Variants in IL33 observed in about 807,000 individuals in gnomAD.
IL33 encodes the protein interleukin-33.
In IL33, 37 loss-of-function variants were observed where a neutral mutation model predicts 27.3. The observed-to-expected ratio is 1.36, with a 90% confidence interval of 1.04 to 1.78. The LOEUF (loss-of-function observed/expected upper bound fraction) is 1.78. Among genes scored for constraint, IL33 ranks in the 40% most tolerant of loss-of-function variants. The pLI, the probability that IL33 is intolerant of heterozygous loss-of-function variation, is 0.00. For missense variants in IL33, 406 were observed against 311.4 expected, an observed-to-expected ratio of 1.30 and a Z score of -2.29; for synonymous variants, 132 against 102.9, an observed-to-expected ratio of 1.28 and a Z score of -1.71.
chr9:6,245,059 G>C (rs960758630), intron 2 of IL33, among the ~76,000 whole-genome samples: 8 of 152,104 alleles, frequency 5.3e-5, no homozygotes, highest in Non-Finnish European at 8.8e-5. Context: ...CTACTTCCCA[G>C]GGTCAGGCTT....
intron 2 of IL33, among the ~76,000 whole-genome samples, chr9:6,245,113 C>A (rs762329266): frequency 4.6e-5 from 7 of 152,148 alleles, no homozygotes; most frequent in Non-Finnish European, 8.8e-5. Context: ...TCAACACTTT[C>A]TCTTCCCTAA....
At chr9:6,231,508 G>A (rs181709239) in intron 1 of IL33, among the ~76,000 whole-genome samples, 51 of 152,202 alleles carry the variant, frequency 3.4e-4, no homozygotes, top group Middle Eastern at 3.4e-3. Context: ...CACCTTCTCT[G>A]ACTACACTAC....
chr9:6,226,366 G>A (rs1275804537), intron 1 of IL33, among the ~76,000 whole-genome samples: 1 of 151,944 alleles, frequency 6.6e-6, no homozygotes, highest in Middle Eastern at 3.2e-3. Context: ...TGGATCTAAG[G>A]ATTAGGATCT....
At chr9:6,250,277 T>C (rs1187530813) in intron 2 of IL33, among the ~76,000 whole-genome samples, 197 bp from the exon 3 acceptor site, 1 of 152,230 alleles carries the variant, frequency 6.6e-6, no homozygotes, top group Non-Finnish European at 1.5e-5. Flanking sequence ...TCTGGGGTGC[T>C]ACATATGTGC....
At chr9:6,222,031 G>C (rs978047031) in intron 1 of IL33, among the ~76,000 whole-genome samples, 4 of 152,170 alleles carry the variant, frequency 2.6e-5, no homozygotes, top group Admixed American at 6.6e-5. Flanking sequence ...AGGAGGCAAA[G>C]TGAAAAGCTT....
In IL33 at chr9:6,252,115, G is replaced by C. The variant is rs925610522; in HGVS notation, c.344-751G>C. The stretch of plus-strand genomic sequence containing the variant: ...AAAAAACCAACTTTACCTGGAAATT[G>C]CATTTGCCATTTCAAGCATTATTCC... On this transcript the variant is annotated intron_variant, in intron 4 of 7. Coordinates refer to ENST00000682010, the MANE Select transcript of IL33 (RefSeq NM_033439.4). Among the ~76,000 whole-genome samples the C allele has an allele frequency of 5.4e-5, 8 of 146,886 alleles. No homozygotes were observed. In the Admixed American group the frequency reaches 5.7e-4, roughly 11 times the overall value.
At chr9:6,245,317 G>T (rs989164625) in intron 2 of IL33, among the ~76,000 whole-genome samples, 5 of 152,158 alleles carry the variant, frequency 3.3e-5, no homozygotes, top group African/African-American at 1.2e-4. Flanking sequence ...AAAATCCAAA[G>T]ATCTAGAAAC....
intron 1 of IL33, among the ~76,000 whole-genome samples, chr9:6,218,903 T>TATATATATATATATATATATTCTCC (rs1818290354): frequency 3.0e-4 from 4 of 13,406 alleles, no homozygotes; most frequent in Admixed American, 5.6e-4. Flanking sequence ...GTTCTCCATA[T>TATATATATATATATATATATTCTCC]ATATATATAT....
intron 2 of IL33, among the ~76,000 whole-genome samples, chr9:6,249,657 G>T (rs141373913): frequency 8.3e-4 from 126 of 152,246 alleles, no homozygotes; most frequent in South Asian, 1.9e-3. Context: ...TTAGATGGCG[G>T]TAAGTGGATG....
chr9:6,251,443 G>A (rs887333607), intron 4 of IL33, among the ~76,000 whole-genome samples, 178 bp downstream of exon 4: 3 of 152,064 alleles, frequency 2.0e-5, no homozygotes, highest in African/African-American at 7.2e-5. Flanking sequence ...CAAGGTAGCT[G>A]TTCTAATAAT....
chr9:6,238,786 G>C (rs1308511971), intron 1 of IL33, among the ~76,000 whole-genome samples: 1 of 152,186 alleles, frequency 6.6e-6, no homozygotes, highest in Non-Finnish European at 1.5e-5. Flanking sequence ...GGCAATGTCA[G>C]AGAGTTTAAG....
At chr9:6,254,851 G>A (rs1816637223) in intron 7 of IL33, among the ~76,000 whole-genome samples, 1 of 152,012 alleles carries the variant, frequency 6.6e-6, no homozygotes, top group African/African-American at 2.4e-5. Flanking sequence ...ATCAGAATCA[G>A]CATATTTTAA....
At chr9:6,225,826 G>T (rs959725506) in intron 1 of IL33, among the ~76,000 whole-genome samples, 12 of 151,858 alleles carry the variant, frequency 7.9e-5, no homozygotes, top group Admixed American at 7.9e-4. Context: ...TAGCTCAAGC[G>T]ACCCTCCTAC....
intron 2 of IL33, among the ~76,000 whole-genome samples, chr9:6,248,944 T>A (rs1816172919): frequency 6.6e-6 from 1 of 152,198 alleles, no homozygotes; most frequent in Non-Finnish European, 1.5e-5. Context: ...AGAAAATGAA[T>A]TAATACAACA....
At chr9:6,221,688 A>G (rs995466710) in intron 1 of IL33, among the ~76,000 whole-genome samples, 6 of 152,160 alleles carry the variant, frequency 3.9e-5, no homozygotes, top group African/African-American at 1.2e-4. Flanking sequence ...TCTCCTTACT[A>G]TCTAGGTGGA....
Position 6,255,487 on chromosome 9 carries a change from A to C in IL33, c.613-481A>C, listed in dbSNP as rs535765900. 5.3e-5 allele frequency among the ~76,000 whole-genome samples: 8 copies of C among 152,266 alleles called. 1 individual carries two copies. The highest frequency in any genetic ancestry group is 4.6e-4 in the Admixed American group (7 of 15,280). The stretch of plus-strand genomic sequence containing the variant: ...TATTTAATACTCACAGTAACTCTAC[A>C]ATGGAGTTGTTGTATTGGTCAACTG... On this transcript the variant is annotated intron_variant, in intron 7 of 7. Transcript: ENST00000682010.
chr9:6,240,041 C>T (rs184930094), intron 1 of IL33, among the ~76,000 whole-genome samples: 1 of 152,312 alleles, frequency 6.6e-6, no homozygotes, highest in Non-Finnish European at 1.5e-5. Flanking sequence ...AATGTATCTA[C>T]TTATTTGCTC....
At chr9:6,251,329 G>A in intron 4 of IL33, 64 bp downstream of exon 4, 1 of 1,595,286 alleles carries the variant, frequency 6.3e-7, no homozygotes, top group Non-Finnish European at 8.5e-7. Flanking sequence ...ACCCCGGAAA[G>A]TGCTACTCCA....
chr9:6,226,505 C>A, intron 1 of IL33, among the ~76,000 whole-genome samples: 1 of 152,118 alleles, frequency 6.6e-6, no homozygotes, highest in East Asian at 1.9e-4. Flanking sequence ...CTTTTACCCT[C>A]TTTTCATATT....
Sources: gnomAD v4.1 joint callset for allele counts (sites outside exome capture counted in the v4.1 genomes callset) on GRCh38, gnomAD v4.1.1 for gene constraint, MANE v1.5 for transcripts, NCBI Gene and HGNC (gene_info 2026-07-23, HGNC 2026-07-21) for gene names.